The following FBXO11 variants were observed in gnomAD, a reference collection of about 807,000 sequenced individuals.
FBXO11 encodes F-box protein 11, also known as F-box only protein 11.
In FBXO11, 13 loss-of-function variants were observed where a neutral mutation model predicts 117.0. The ratio of observed to expected loss-of-function variants is 0.11; its 90% CI spans 0.07 to 0.18. FBXO11 has a LOEUF of 0.18. FBXO11 is among the 10% of genes least tolerant of loss of function. The pLI is 1.00. For synonymous variants in FBXO11, 490 were observed against 380.5 expected, an observed-to-expected ratio of 1.29 and a Z score of -3.35; for missense variants, 767 against 1,164.4, an observed-to-expected ratio of 0.66 and a Z score of 4.97.
intron 11 of FBXO11, among the ~76,000 whole-genome samples, chr2:47,830,280 T>A (rs1188208791): frequency 6.6e-6 from 1 of 151,948 alleles, no homozygotes; most frequent in African/African-American, 2.4e-5. Flanking sequence ...GTCTACAGAA[T>A]CGTGAGGGAA....
chr2:47,844,571 T>C (rs1673263942), intron 1 of FBXO11, among the ~76,000 whole-genome samples: 1 of 152,362 alleles, frequency 6.6e-6, no homozygotes, highest in African/African-American at 2.4e-5. Flanking sequence ...TGATTTCTGA[T>C]ACCTATGAAT....
intron 1 of FBXO11, among the ~76,000 whole-genome samples, chr2:47,859,467 T>C (rs988781014): frequency 9.9e-5 from 15 of 152,088 alleles, no homozygotes; most frequent in African/African-American, 3.4e-4. Context: ...TGAAGAGAGG[T>C]TGGGAAAAAC....
chr2:47,885,109 T>A (rs1676724344), intron 1 of FBXO11, among the ~76,000 whole-genome samples: 1 of 152,154 alleles, frequency 6.6e-6, no homozygotes, highest in South Asian at 2.1e-4. Flanking sequence ...TCATTAAGCA[T>A]AAATGGGCCT....
chr2:47,836,866 C>CG (rs1305783031), intron 4 of FBXO11: 1 of 330,746 alleles, frequency 3.0e-6, no homozygotes, highest in Non-Finnish European at 5.9e-6. Flanking sequence ...TCATTGCAGC[C>CG]TTAACCTCCC....
chr2:47,870,544 G>A (rs758234651), intron 1 of FBXO11, among the ~76,000 whole-genome samples: 5 of 152,190 alleles, frequency 3.3e-5, no homozygotes, highest in Non-Finnish European at 7.3e-5. Context: ...AAGAGGCAGA[G>A]ACTGAAGTGA....
intron 1 of FBXO11, among the ~76,000 whole-genome samples, chr2:47,894,515 C>A (rs1677506534): frequency 6.6e-6 from 1 of 152,018 alleles, no homozygotes; most frequent in South Asian, 2.1e-4. Flanking sequence ...GGAATGAAGG[C>A]CCAGAATCAC....
At chr2:47,867,287 T>C (rs993297127) in intron 1 of FBXO11, among the ~76,000 whole-genome samples, 9 of 152,228 alleles carry the variant, frequency 5.9e-5, no homozygotes, top group Non-Finnish European at 1.0e-4. Flanking sequence ...CTCTGCTCCA[T>C]AGAATCATCC....
Position 47,807,298 on chromosome 2 carries a change from G to GT in FBXO11, c.*819dup, listed in dbSNP as rs1421466324. ...TCTAAAGTGTACTTAAAACATAGTA[G>GT]TTTTTTACCTTTCACAAAACTGAGT... On this transcript the variant is annotated 3_prime_UTR_variant, in exon 23 of 23. Transcript: ENST00000403359. The GT allele has an allele frequency of 9.2e-6, 2 of 216,804 alleles. No individual in the cohort carries two copies. The highest frequency in any genetic ancestry group is 2.3e-5 in the African/African-American group (1 of 44,242). The allele number at this position is 216,804 out of a possible 1,614,324, so 13.4% of individuals were successfully genotyped here.
chr2:47,880,668 T>C (rs187131062), intron 1 of FBXO11, among the ~76,000 whole-genome samples: 19 of 152,352 alleles, frequency 1.2e-4, no homozygotes, highest in Admixed American at 7.2e-4. Context: ...ATCTGACATA[T>C]TGCTATTCAC....
In FBXO11 at chr2:47,808,064, AGT is replaced by A. The variant is rs2104609580; in HGVS notation, c.*52_*53del. 6.8e-7 allele frequency: 1 copy of A among 1,463,950 alleles called. No homozygotes were observed. Among genetic ancestry groups the A allele is most frequent in the East Asian group, 2.3e-5 (1 of 44,030 alleles). The allele number at this position is 1,463,950 out of a possible 1,614,324, so 90.7% of individuals were successfully genotyped here. A position where few individuals can be genotyped will look rare whatever the true frequency, so the allele number is the denominator to read the frequency against. The stretch of plus-strand genomic sequence containing the variant: ...AATATTTTAAATCTTCTTCCAAAAA[AGT>A]GTTTTAAGTTATGATGTTACAATGG... On this transcript the variant is annotated 3_prime_UTR_variant, in exon 23 of 23. Transcript: ENST00000403359.
intron 1 of FBXO11, among the ~76,000 whole-genome samples, chr2:47,843,538 CTTCA>C (rs1438551712): frequency 3.3e-5 from 5 of 151,540 alleles, no homozygotes; most frequent in African/African-American, 1.2e-4. Flanking sequence ...TTATTCCATT[CTTCA>C]TTATGTAATT....
In FBXO11 at chr2:47,807,027, A is replaced by C; in HGVS notation, c.*1091T>G. On this transcript the variant is annotated 3_prime_UTR_variant, in exon 23 of 23. Coordinates refer to ENST00000403359, the MANE Select transcript of FBXO11 (RefSeq NM_001190274.2). ...CTACCTTCTACATAATGGTTATTGAATACTCCACAATATATTAAGTCTAGA... is the reference window on the plus strand; with the variant it reads ...CTACCTTCTACATAATGGTTATTGACTACTCCACAATATATTAAGTCTAGA... 4 of 634,372 alleles carry C rather than the reference A, an allele frequency of 6.3e-6. No individual in the cohort carries two copies. Among genetic ancestry groups the C allele is most frequent in the Non-Finnish European group, 1.1e-5 (4 of 360,920 alleles). The allele number at this position is 634,372 out of a possible 1,614,324, so 39.3% of individuals were successfully genotyped here.
chr2:47,837,543 C>CAT (rs768995311), intron 4 of FBXO11, among the ~76,000 whole-genome samples: 54 of 151,788 alleles, frequency 3.6e-4, no homozygotes, highest in South Asian at 1.9e-3. Context: ...ACAACAAAAA[C>CAT]ATATATATAT....
intron 1 of FBXO11, among the ~76,000 whole-genome samples, chr2:47,854,342 T>C (rs1202934246): frequency 6.6e-6 from 1 of 151,972 alleles, no homozygotes; most frequent in Non-Finnish European, 1.5e-5. Context: ...TTCTCTCTAC[T>C]TAATGTTTAC....
intron 1 of FBXO11, among the ~76,000 whole-genome samples, chr2:47,872,907 A>G (rs1399477267): frequency 6.6e-6 from 1 of 152,182 alleles, no homozygotes; most frequent in Non-Finnish European, 1.5e-5. Flanking sequence ...TTTTAAAGGG[A>G]CATTTAACAT....
chr2:47,811,845 G>C (rs970647206), intron 18 of FBXO11, among the ~76,000 whole-genome samples: 11 of 152,228 alleles, frequency 7.2e-5, no homozygotes, highest in African/African-American at 2.6e-4. Context: ...AGACTCAAGT[G>C]ATACTCCTGC....
At chr2:47,895,383 G>C (rs968466215) in intron 1 of FBXO11, among the ~76,000 whole-genome samples, 1 of 152,160 alleles carries the variant, frequency 6.6e-6, no homozygotes, top group African/African-American at 2.4e-5. Flanking sequence ...CAAATATTAA[G>C]GGAGAATTCT....
intron 1 of FBXO11, among the ~76,000 whole-genome samples, chr2:47,843,608 C>T (rs1414301601): frequency 1.3e-5 from 2 of 152,092 alleles, no homozygotes; most frequent in African/African-American, 2.4e-5. Context: ...ACTAACAATG[C>T]TTTCTGCCTT....
intron 13 of FBXO11, among the ~76,000 whole-genome samples, chr2:47,821,753 C>G (rs1671405457): frequency 6.6e-6 from 1 of 152,072 alleles, no homozygotes; most frequent in Admixed American, 6.6e-5. Flanking sequence ...TCACTGCACT[C>G]CAGCCTAGGC....
Sources: gnomAD v4.1 joint callset for allele counts (sites outside exome capture counted in the v4.1 genomes callset) on GRCh38, gnomAD v4.1.1 for gene constraint, MANE v1.5 for transcripts, NCBI Gene and HGNC (gene_info 2026-07-23, HGNC 2026-07-21) for gene names.